Variants in FMN2 observed in about 807,000 individuals in gnomAD.
The protein encoded by FMN2 is formin 2.
In FMN2, 51 loss-of-function variants were observed where a neutral mutation model predicts 142.3. That is an observed-to-expected ratio of 0.36 (90% CI 0.29 to 0.45). The LOEUF (loss-of-function observed/expected upper bound fraction) is 0.45, where lower values mean the gene tolerates loss of function less well. Ranked by LOEUF, FMN2 falls within the 20% of genes least tolerant of loss-of-function variation. FMN2 has a pLI of 1.00. For synonymous variants in FMN2, 882 were observed against 869.8 expected (o/e 1.01, Z -0.25); for missense variants, 1,936 against 2,122.8 (o/e 0.91, Z 1.73).
chr1:240,221,636 C>G (rs1316409259), intron 6 of FMN2, among the ~76,000 whole-genome samples: 1 of 151,920 alleles, frequency 6.6e-6, no homozygotes, highest in Non-Finnish European at 1.5e-5. Context: ...GATATTAGCC[C>G]TTTTGTCAGA....
intron 8 of FMN2, among the ~76,000 whole-genome samples, chr1:240,320,456 A>T (rs1359857718): frequency 6.6e-6 from 1 of 152,222 alleles, no homozygotes; most frequent in Non-Finnish European, 1.5e-5. Context: ...ACAGAAGACA[A>T]ATGAGGAAAA....
intron 16 of FMN2, among the ~76,000 whole-genome samples, chr1:240,461,204 G>A (rs1328926991): frequency 2.0e-5 from 3 of 152,228 alleles, no homozygotes; most frequent in African/African-American, 7.2e-5. Flanking sequence ...TACATGATGT[G>A]TGTCTGGACT....
chr1:240,437,983 C>T (rs1274462018), intron 15 of FMN2, 78 bp from the exon 16 acceptor site: 25 of 1,504,814 alleles, frequency 1.7e-5, no homozygotes, highest in African/African-American at 2.8e-5. Context: ...ATAAAATCAG[C>T]ATTTGGATAG....
At chr1:240,141,848 C>T (rs1663198614) in intron 2 of FMN2, among the ~76,000 whole-genome samples, 1 of 152,098 alleles carries the variant, frequency 6.6e-6, no homozygotes. Flanking sequence ...ACAGGGCTCA[C>T]ATGGTGCTTC....
chr1:240,469,227 G>C (rs1676732829), intron 16 of FMN2, among the ~76,000 whole-genome samples: 1 of 152,168 alleles, frequency 6.6e-6, no homozygotes, highest in South Asian at 2.1e-4. Context: ...GATTCTGCCA[G>C]ATGCTACTTC....
At chr1:240,381,326 TCAC>T (rs1405727188) in intron 14 of FMN2, among the ~76,000 whole-genome samples, 4 of 152,188 alleles carry the variant, frequency 2.6e-5, no homozygotes, top group Admixed American at 6.5e-5. Flanking sequence ...ATATTATACA[TCAC>T]CATCAAGTGG....
intron 14 of FMN2, among the ~76,000 whole-genome samples, chr1:240,379,028 C>T (rs1384897024): frequency 2.0e-5 from 3 of 152,192 alleles, no homozygotes; most frequent in African/African-American, 4.8e-5. Context: ...ACACTATGCA[C>T]ATTATGTTGT....
chr1:240,354,876 C>T lies in FMN2; in HGVS notation c.4766-940C>T, dbSNP rs144318019. Among the ~76,000 whole-genome samples, 21 of 151,498 alleles carry T rather than the reference C, an allele frequency of 1.4e-4. No individual in the cohort carries two copies. The East Asian group carries it at 3.9e-3, about 28-fold the overall frequency. ...TTGTTGTCGTTGTTGTTTTTTTTTG[C>T]ATCAGATGTGTTCTATCCAAAGTTT... On this transcript the variant is annotated intron_variant, in intron 13 of 17. Transcript: ENST00000319653.
intron 15 of FMN2, among the ~76,000 whole-genome samples, chr1:240,437,174 T>G (rs1350064881): frequency 1.3e-5 from 2 of 152,048 alleles, no homozygotes; most frequent in African/African-American, 4.8e-5. Context: ...AGCCTCTGAG[T>G]GGCACCTTCT....
intron 6 of FMN2, among the ~76,000 whole-genome samples, chr1:240,250,831 A>C (rs1389268479): frequency 5.9e-5 from 9 of 152,132 alleles, no homozygotes; most frequent in African/African-American, 2.2e-4. Context: ...GTATGTGTCC[A>C]GGAATTTATT....
chr1:240,411,622 G>T (rs1470565365), intron 15 of FMN2, among the ~76,000 whole-genome samples: 10 of 131,940 alleles, frequency 7.6e-5, no homozygotes, highest in Non-Finnish European at 6.4e-5. Flanking sequence ...CCTTGTGTTT[G>T]ATCTGTTGTT....
chr1:240,147,552 G>A (rs956266117), intron 2 of FMN2, among the ~76,000 whole-genome samples: 4 of 152,052 alleles, frequency 2.6e-5, no homozygotes, highest in Admixed American at 2.0e-4. Context: ...GAGTGCAATG[G>A]AACAATCATA....
At chr1:240,275,879 T>C (rs952531650) in intron 7 of FMN2, among the ~76,000 whole-genome samples, 3 of 152,228 alleles carry the variant, frequency 2.0e-5, no homozygotes, top group Admixed American at 1.3e-4. Context: ...GTTGGCTGCA[T>C]ACATGTCTTC....
intron 7 of FMN2, among the ~76,000 whole-genome samples, chr1:240,263,723 T>C (rs1668705408): frequency 6.6e-6 from 1 of 152,104 alleles, no homozygotes; most frequent in Non-Finnish European, 1.5e-5. Flanking sequence ...AGATTACAGA[T>C]CTCATCACAA....
chr1:240,314,108 G>A (rs1457578598), intron 8 of FMN2, among the ~76,000 whole-genome samples: 1 of 152,148 alleles, frequency 6.6e-6, no homozygotes, highest in Non-Finnish European at 1.5e-5. Context: ...CAAGGAAAAA[G>A]TAATTTTGTT....
chr1:240,223,579 C>A (rs182109557), intron 6 of FMN2, among the ~76,000 whole-genome samples: 51 of 152,212 alleles, frequency 3.4e-4, no homozygotes, highest in African/African-American at 7.5e-4. Context: ...GTCTTTGTAC[C>A]TCTGGTAAAA....
chr1:240,415,205 C>G (rs1005038743), intron 15 of FMN2, among the ~76,000 whole-genome samples: 14 of 152,244 alleles, frequency 9.2e-5, no homozygotes, highest in African/African-American at 3.4e-4. Context: ...ACTATGCAGC[C>G]ATAAAAAGGA....
chr1:240,123,355 A>G lies in FMN2; in HGVS notation c.1782+10A>G. On this transcript the variant is annotated intron_variant, in intron 2 of 17. Transcript: ENST00000319653. Reference sequence around the variant, plus strand: ...TGCAGCTTCGTTTGATGTAAGTAGGAGAATTCACTTCTGTCCGTGAGGCAG... The same window carrying G: ...TGCAGCTTCGTTTGATGTAAGTAGGGGAATTCACTTCTGTCCGTGAGGCAG... The G allele has an allele frequency of 6.2e-7, 1 of 1,611,448 alleles. No individual in the cohort carries two copies. The highest frequency in any genetic ancestry group is 2.2e-5 in the East Asian group (1 of 44,828).
intron 6 of FMN2, among the ~76,000 whole-genome samples, chr1:240,236,572 G>T (rs1030266782): frequency 1.3e-5 from 2 of 152,192 alleles, no homozygotes; most frequent in African/African-American, 2.4e-5. Context: ...TTCTGAGGAG[G>T]CCTCATCACC....
Sources: gnomAD v4.1 joint callset for allele counts (sites outside exome capture counted in the v4.1 genomes callset) on GRCh38, gnomAD v4.1.1 for gene constraint, MANE v1.5 for transcripts, NCBI Gene and HGNC (gene_info 2026-07-23, HGNC 2026-07-21) for gene names.